Variants in CABCOCO1 observed in about 807,000 individuals in gnomAD.
CABCOCO1 encodes ciliary-associated calcium-binding coiled-coil protein 1.
CABCOCO1 carries 28 observed loss-of-function variants against 35.7 expected under a neutral mutation model. The observed-to-expected ratio is 0.78, with a 90% CI of 0.58 to 1.07. The LOEUF (loss-of-function observed/expected upper bound fraction) is 1.07. Ranked by LOEUF, CABCOCO1 falls within the 50% of genes least tolerant of loss-of-function variation. CABCOCO1 has a pLI of 0.00. For synonymous variants in CABCOCO1, 95 were observed against 100.1 expected (o/e 0.95, Z 0.30); for missense variants, 326 against 309.2 (o/e 1.05, Z -0.41).
intron 5 of CABCOCO1, among the ~76,000 whole-genome samples, chr10:61,714,406 T>C (rs1209745181): frequency 6.6e-6 from 1 of 152,200 alleles, no homozygotes; most frequent in Non-Finnish European, 1.5e-5. Flanking sequence ...TCTCTTTTCT[T>C]CTTTATTAGT....
intron 1 of CABCOCO1, among the ~76,000 whole-genome samples, chr10:61,664,780 T>A (rs1383471192): frequency 6.6e-6 from 1 of 152,196 alleles, no homozygotes; most frequent in Admixed American, 6.5e-5. Context: ...AGCTGTGTCA[T>A]TCATTAAAAC....
chr10:61,765,531 A>G (rs1842090216), intron 7 of CABCOCO1, among the ~76,000 whole-genome samples: 2 of 152,192 alleles, frequency 1.3e-5, no homozygotes, highest in Non-Finnish European at 2.9e-5. Context: ...TCTCATTTAG[A>G]ATGTATTACA....
intron 5 of CABCOCO1, among the ~76,000 whole-genome samples, chr10:61,715,611 T>C (rs1293522928): frequency 1.3e-5 from 2 of 152,220 alleles, no homozygotes; most frequent in Middle Eastern, 3.2e-3. Context: ...ATAGCATCGA[T>C]GGTCTTTACA....
chr10:61,759,245 A>G (rs958509785), intron 5 of CABCOCO1, among the ~76,000 whole-genome samples: 1 of 152,084 alleles, frequency 6.6e-6, no homozygotes, highest in African/African-American at 2.4e-5. Flanking sequence ...GCACGTCTCT[A>G]CAGATCAATT....
chr10:61,708,187 C>T (rs1388971912), intron 5 of CABCOCO1, among the ~76,000 whole-genome samples: 1 of 150,880 alleles, frequency 6.6e-6, no homozygotes, highest in Non-Finnish European at 1.5e-5. Context: ...TAGACAGACG[C>T]ATACCAGATC....
chr10:61,685,969 A>C, intron 3 of CABCOCO1, 72 bp from the exon 4 acceptor site: 1 of 1,384,308 alleles, frequency 7.2e-7, no homozygotes. Context: ...CACATTGAAA[A>C]CATCTTGGAT....
At chr10:61,680,660 TAC>T (rs1839732861) in intron 2 of CABCOCO1, among the ~76,000 whole-genome samples, 3 of 73,256 alleles carry the variant, frequency 4.1e-5, no homozygotes, top group South Asian at 4.5e-4. Flanking sequence ...TATTATGTTA[TAC>T]ATGTATAACA....
intron 5 of CABCOCO1, among the ~76,000 whole-genome samples, chr10:61,692,092 T>G (rs917985412): frequency 2.0e-5 from 3 of 152,190 alleles, no homozygotes; most frequent in Non-Finnish European, 4.4e-5. Flanking sequence ...ATGGTTGAAC[T>G]AATTTACACT....
At chr10:61,753,971 C>A (rs970233785) in intron 5 of CABCOCO1, among the ~76,000 whole-genome samples, 21 of 152,076 alleles carry the variant, frequency 1.4e-4, no homozygotes, top group Non-Finnish European at 2.9e-4. Context: ...ATAGCATGGA[C>A]CAGCATCCTC....
intron 5 of CABCOCO1, among the ~76,000 whole-genome samples, chr10:61,758,680 C>G (rs1302317604): frequency 6.6e-6 from 1 of 151,990 alleles, no homozygotes; most frequent in African/African-American, 2.4e-5. Context: ...GGTTTAATTC[C>G]CAGCCCTGTC....
chr10:61,669,298 A>G (rs1839288538), intron 1 of CABCOCO1, among the ~76,000 whole-genome samples: 2 of 152,048 alleles, frequency 1.3e-5, no homozygotes, highest in South Asian at 2.1e-4. Flanking sequence ...CTGGCAGATA[A>G]TATCAGGCTT....
At chr10:61,754,288 TC>T (rs1262185944) in intron 5 of CABCOCO1, among the ~76,000 whole-genome samples, 7 of 152,140 alleles carry the variant, frequency 4.6e-5, no homozygotes, top group Non-Finnish European at 7.4e-5. Context: ...TGATCTATCT[TC>T]CAGATTATTG....
At chr10:61,696,433 C>A (rs1438390041) in intron 5 of CABCOCO1, among the ~76,000 whole-genome samples, 1 of 152,088 alleles carries the variant, frequency 6.6e-6, no homozygotes, top group Non-Finnish European at 1.5e-5. Context: ...ATGAAAAATA[C>A]TGTGAATAAA....
At chr10:61,748,831 A>C (rs1841720316) in intron 5 of CABCOCO1, among the ~76,000 whole-genome samples, 1 of 152,186 alleles carries the variant, frequency 6.6e-6, no homozygotes, top group Non-Finnish European at 1.5e-5. Flanking sequence ...AGAAAAAGCC[A>C]ATGCACCCCT....
chr10:61,710,562 T>A (rs1245009060), intron 5 of CABCOCO1, among the ~76,000 whole-genome samples: 2 of 151,954 alleles, frequency 1.3e-5, no homozygotes, highest in Non-Finnish European at 2.9e-5. Flanking sequence ...AAACTAATGA[T>A]CCTGGTCCAC....
At chr10:61,755,094 T>C (rs1841870850) in intron 5 of CABCOCO1, among the ~76,000 whole-genome samples, 1 of 152,178 alleles carries the variant, frequency 6.6e-6, no homozygotes, top group Admixed American at 6.6e-5. Context: ...AAGAAGTTTG[T>C]AATGGCCCTA....
At chr10:61,747,797 T>C (rs1185471800) in intron 5 of CABCOCO1, among the ~76,000 whole-genome samples, 2 of 152,194 alleles carry the variant, frequency 1.3e-5, no homozygotes, top group African/African-American at 4.8e-5. Flanking sequence ...AGTTAATTTA[T>C]AAATACTGGG....
intron 5 of CABCOCO1, among the ~76,000 whole-genome samples, chr10:61,734,041 T>C (rs1052918015): frequency 3.3e-5 from 5 of 152,076 alleles, no homozygotes; most frequent in Admixed American, 1.3e-4. Flanking sequence ...ACTGTTATAC[T>C]TCCCCCCGCT....
chr10:61,754,335 C>T (rs879551747), intron 5 of CABCOCO1, among the ~76,000 whole-genome samples: 6 of 152,062 alleles, frequency 3.9e-5, no homozygotes, highest in Non-Finnish European at 8.8e-5. Flanking sequence ...TGAAGGACTG[C>T]TCTATCCCTC....
Sources: allele counts gnomAD v4.1 joint callset (sites outside exome capture counted in the v4.1 genomes callset), GRCh38; gene constraint gnomAD v4.1.1; transcripts MANE v1.5; gene names NCBI Gene and HGNC (gene_info 2026-07-23, HGNC 2026-07-21).